The following PCDHGA5 variants were observed in gnomAD, a reference collection of about 807,000 sequenced individuals.
The protein encoded by PCDHGA5 is protocadherin gamma subfamily A, 5.
A neutral mutation model predicts 56.7 loss-of-function variants in PCDHGA5; 36 were observed. The observed-to-expected ratio is 0.64, with a 90% CI of 0.49 to 0.84. The LOEUF (loss-of-function observed/expected upper bound fraction) is 0.84. Ranked by LOEUF, PCDHGA5 falls within the 40% of genes least tolerant of loss-of-function variation. PCDHGA5 has a pLI of 0.00. For synonymous variants in PCDHGA5, 563 were observed against 520.2 expected (o/e 1.08, Z -1.12); for missense variants, 1,305 against 1,201.5 (o/e 1.09, Z -1.27).
intron 1 of PCDHGA5, chr5:141,370,538 G>A: frequency 3.1e-6 from 5 of 1,613,906 alleles, no homozygotes; most frequent in Non-Finnish European, 4.2e-6. Context: ...CGCTGGTAGG[G>A]AACCTCGCCA....
At chr5:141,439,934 G>T (rs1477526863) in intron 1 of PCDHGA5, 2 of 152,382 alleles carry the variant, frequency 1.3e-5, no homozygotes, top group Admixed American at 1.3e-4. Context: ...ATCCTGCTGG[G>T]CATTCTCTAT....
At chr5:141,466,871 T>C (rs1432611218) in intron 1 of PCDHGA5, among the ~76,000 whole-genome samples, 2 of 152,166 alleles carry the variant, frequency 1.3e-5, no homozygotes, top group African/African-American at 4.8e-5. Flanking sequence ...ATCCACACAT[T>C]TTTTTCATAA....
Position 141,489,363 on chromosome 5 carries a change from G to A in PCDHGA5, c.2422-5444G>A, listed in dbSNP as rs767837736. On this transcript the variant is annotated intron_variant, in intron 1 of 3. Transcript: ENST00000518069. This position sits in a 1 kb window ranked among gnomAD's most constrained non-coding sequence, Gnocchi z 4.5. ...ACTCAGTGGTGGAGGAGTCTGAGCC[G>A]GGGACGCTGGTGGGGAATGTTGCTC... 46 of 1,613,114 alleles carry A rather than the reference G, an allele frequency of 2.9e-5. 1 individual carries two copies. In the South Asian group the frequency reaches 3.4e-4, roughly 12 times the overall value.
intron 1 of PCDHGA5, chr5:141,413,709 C>T (rs998398149): frequency 2.4e-5 from 39 of 1,613,536 alleles, no homozygotes; most frequent in Non-Finnish European, 3.3e-5. Flanking sequence ...AGCTCAGCCC[C>T]AATAAGCACT....
chr5:141,414,533 C>T, intron 1 of PCDHGA5: 1 of 1,613,960 alleles, frequency 6.2e-7, no homozygotes, highest in Non-Finnish European at 8.5e-7. Flanking sequence ...AATGACAACC[C>T]ACCTACCTTC....
At chr5:141,410,337 C>T (rs1196366344) in intron 1 of PCDHGA5, 1 of 1,613,930 alleles carries the variant, frequency 6.2e-7, no homozygotes, top group Non-Finnish European at 8.5e-7. Context: ...CTGGCCATTG[C>T]CTTGCGCCTG....
At chr5:141,406,346 G>T (rs1296474677) in intron 1 of PCDHGA5, among the ~76,000 whole-genome samples, 2 of 152,092 alleles carry the variant, frequency 1.3e-5, no homozygotes, top group Non-Finnish European at 2.9e-5. Flanking sequence ...ATTTATTCAG[G>T]TCATACTATG....
chr5:141,404,271 T>A, intron 1 of PCDHGA5: 1 of 1,614,000 alleles, frequency 6.2e-7, no homozygotes, highest in Non-Finnish European at 8.5e-7. Flanking sequence ...CACATCACCC[T>A]GCAAGTGACT....
intron 2 of PCDHGA5, among the ~76,000 whole-genome samples, chr5:141,502,024 C>T (rs2099812413): frequency 2.0e-5 from 3 of 152,152 alleles, no homozygotes; most frequent in Admixed American, 1.3e-4. Context: ...TCCCTGCAAC[C>T]CCCGCCGCTT....
Position 141,487,687 on chromosome 5 carries a change from A to G in PCDHGA5, c.2422-7120A>G, listed in dbSNP as rs750431854. ...CAGGCATATGGCTAGGCCATGTCCTAGAGAGTACTGGCCTCTCAGTAAGTG... is the reference window on the plus strand; with the variant it reads ...CAGGCATATGGCTAGGCCATGTCCTGGAGAGTACTGGCCTCTCAGTAAGTG... On this transcript the variant is annotated intron_variant, in intron 1 of 3. Transcript: ENST00000518069. This position sits in a 1 kb window ranked among gnomAD's most constrained non-coding sequence, Gnocchi z 5.0. The G allele has an allele frequency of 1.9e-6, 3 of 1,606,256 alleles. No individual in the cohort carries two copies. The highest frequency in any genetic ancestry group is 3.4e-5 in the Admixed American group (2 of 58,832).
At chr5:141,421,616 AC>A in intron 1 of PCDHGA5, 1 of 1,613,792 alleles carries the variant, frequency 6.2e-7, no homozygotes, top group Non-Finnish European at 8.5e-7. Context: ...ATTAATGATA[AC>A]GCCCCCAGCT....
chr5:141,494,021 G>C (rs1036188621), intron 1 of PCDHGA5, among the ~76,000 whole-genome samples: 2 of 152,158 alleles, frequency 1.3e-5, no homozygotes, highest in African/African-American at 2.4e-5. Context: ...CCCCTTGGGA[G>C]CCCTGGAGAC....
In PCDHGA5 at chr5:141,366,369, C is replaced by A; in HGVS notation, c.2039C>A (p.Thr680Asn). 2 of 1,614,106 alleles carry A rather than the reference C, an allele frequency of 1.2e-6. No individual in the cohort carries two copies. The highest frequency in any genetic ancestry group is 1.7e-6 in the Non-Finnish European group (2 of 1,180,056). ...DILADLGSIKTPIDPEDLDLT... is the reference protein window; with the variant it reads ...DILADLGSIKNPIDPEDLDLT... ...CTGGCTGACCTAGGCAGTATCAAGA[C>A]CCCCATTGACCCTGAGGATCTGGAC... is the stretch of plus-strand genomic sequence containing the variant. Residue 680 changes from threonine (T) to asparagine (N), a missense_variant, in exon 1 of 4, where the codon ACC becomes AAC. Thr to Asn is a moderately conservative substitution (Grantham distance 65, BLOSUM62 0). Transcript: ENST00000518069.
intron 1 of PCDHGA5, among the ~76,000 whole-genome samples, chr5:141,453,288 A>AT (rs2098760999): frequency 2.0e-5 from 3 of 151,342 alleles, no homozygotes; most frequent in African/African-American, 7.3e-5. Flanking sequence ...TAATTTTTTA[A>AT]TTATTTATTT....
Position 141,431,264 on chromosome 5 carries a change from A to T in PCDHGA5, c.2422-63543A>T. The T allele has an allele frequency of 6.2e-7, 1 of 1,614,170 alleles. No individual in the cohort carries two copies. On this transcript the variant is annotated intron_variant, in intron 1 of 3. Coordinates refer to ENST00000518069, the MANE Select transcript of PCDHGA5 (RefSeq NM_018918.3). This position sits in a 1 kb window ranked among gnomAD's most constrained non-coding sequence, Gnocchi z 4.8. ...GGATATCGGGAAGAACTCTCTGCAG[A>T]GCTACGAGCTCAGCCCGAACACTCA...
chr5:141,469,103 C>A (rs949254605), intron 1 of PCDHGA5, among the ~76,000 whole-genome samples: 2 of 151,844 alleles, frequency 1.3e-5, no homozygotes, highest in African/African-American at 2.4e-5. Context: ...AAAGCAAGAA[C>A]CTGTCTCTAA....
chr5:141,394,701 C>G lies in PCDHGA5; in HGVS notation c.2421+27950C>G, dbSNP rs375281416. 1.9e-6 allele frequency: 3 copies of G among 1,613,162 alleles called. No homozygotes were observed. Among genetic ancestry groups the G allele is most frequent in the Non-Finnish European group, 2.5e-6 (3 of 1,179,880 alleles). ...GCACACGGGCGAGGTGCGCACGGCG[C>G]GAGCCCTGCTGGACAGAGATGCGCT... is the stretch of plus-strand genomic sequence containing the variant. On this transcript the variant is annotated intron_variant, in intron 1 of 3. Transcript: ENST00000518069.
At chr5:141,392,746 G>T in intron 1 of PCDHGA5, 1 of 1,443,974 alleles carries the variant, frequency 6.9e-7, no homozygotes, top group South Asian at 1.5e-5. Flanking sequence ...CATAGCTGCG[G>T]CAAGAAACTA....
chr5:141,383,928 T>C (rs543603315), intron 1 of PCDHGA5: 20 of 1,613,902 alleles, frequency 1.2e-5, no homozygotes, highest in Admixed American at 1.7e-5. Flanking sequence ...TAAATGATAA[T>C]GCTCCAGAAG....
Sources: allele counts gnomAD v4.1 joint callset (sites outside exome capture counted in the v4.1 genomes callset), GRCh38; gene constraint gnomAD v4.1.1; non-coding constraint Gnocchi (gnomAD v3.1); transcripts MANE v1.5; gene names NCBI Gene and HGNC (gene_info 2026-07-23, HGNC 2026-07-21).